DLGAP1: variants seen among roughly 807,000 people sequenced by gnomAD.
The protein encoded by DLGAP1 is DLG associated protein 1, also known as disks large-associated protein 1.
Under a neutral mutation model 90.8 loss-of-function variants are expected in DLGAP1, and 11 were observed. That is an observed-to-expected ratio of 0.12 (90% confidence interval 0.08 to 0.20). The LOEUF (loss-of-function observed/expected upper bound fraction) is 0.20, where lower values mean the gene tolerates loss of function less well. Among genes scored for constraint, DLGAP1 ranks in the 10% least tolerant of loss-of-function variants. DLGAP1 has a pLI of 1.00. For missense variants in DLGAP1, 1,050 were observed against 1,333.8 expected (o/e 0.79, Z 3.31); for synonymous variants, 558 against 540.7 (o/e 1.03, Z -0.44).
At chr18:4,101,087 C>T (rs1274878683) in intron 2 of DLGAP1, among the ~76,000 whole-genome samples, 2 of 152,190 alleles carry the variant, frequency 1.3e-5, no homozygotes, top group Non-Finnish European at 2.9e-5. Flanking sequence ...GCATTCACAA[C>T]TTGGCTAACT....
chr18:3,837,849 C>CAAAAA (rs5822770), intron 4 of DLGAP1, among the ~76,000 whole-genome samples: 294 of 26,828 alleles, frequency 0.011, 57 homozygotes, highest in South Asian at 0.033. Flanking sequence ...GAGATTCTGT[C>CAAAAA]AAAAAAAAAA....
intron 1 of DLGAP1, among the ~76,000 whole-genome samples, chr18:4,253,207 T>C (rs1410456213): frequency 1.3e-5 from 2 of 152,204 alleles, no homozygotes; most frequent in Admixed American, 6.5e-5. Flanking sequence ...TAGGATTTTA[T>C]GGCCAATCAA....
intron 10 of DLGAP1, among the ~76,000 whole-genome samples, chr18:3,508,982 C>CT (rs796452465): frequency 0.2 from 28,562 of 143,690 alleles, 2,817 homozygotes; most frequent in Non-Finnish European, 0.24. Context: ...ACAGTTGTTG[C>CT]TTTTTTTTTT....
At chr18:3,723,947 G>T (rs1598465321) in intron 7 of DLGAP1, among the ~76,000 whole-genome samples, 1 of 152,250 alleles carries the variant, frequency 6.6e-6, no homozygotes, top group East Asian at 1.9e-4. Context: ...TGTACCCTAG[G>T]TTCTTACTCC....
At chr18:4,228,690 A>G (rs2078241528) in intron 1 of DLGAP1, among the ~76,000 whole-genome samples, 1 of 151,994 alleles carries the variant, frequency 6.6e-6, no homozygotes. Flanking sequence ...AACACCAGAT[A>G]AAAGTCAATA....
chr18:3,874,537 A>G, intron 4 of DLGAP1: 1 of 1,461,836 alleles, frequency 6.8e-7, no homozygotes, highest in Non-Finnish European at 9.0e-7. Flanking sequence ...AGCAAAAACA[A>G]AACAACAACA....
chr18:3,604,658 T>C (rs1161627406), intron 7 of DLGAP1, among the ~76,000 whole-genome samples: 1 of 152,148 alleles, frequency 6.6e-6, no homozygotes, highest in Non-Finnish European at 1.5e-5. Context: ...GTGGAGTCAT[T>C]CCACATCCTT....
intron 3 of DLGAP1, among the ~76,000 whole-genome samples, chr18:3,938,411 C>T (rs1052902674): frequency 5.3e-5 from 8 of 152,034 alleles, no homozygotes; most frequent in Non-Finnish European, 1.2e-4. Context: ...GAGGAGGAGA[C>T]GTTCAAGCTG....
At chr18:4,429,690 C>T (rs868090188) in intron 1 of DLGAP1, among the ~76,000 whole-genome samples, 24 of 152,132 alleles carry the variant, frequency 1.6e-4, no homozygotes, top group African/African-American at 5.3e-4. Context: ...AAAGCTGGCA[C>T]TTTGCATAGC....
At chr18:3,897,794 T>C (rs2071665418) in intron 3 of DLGAP1, among the ~76,000 whole-genome samples, 1 of 142,744 alleles carries the variant, frequency 7.0e-6, no homozygotes, top group South Asian at 2.4e-4. Context: ...TTTTTTTTTT[T>C]TTTTTTTTTT....
At chr18:3,751,072 C>T (rs1268062868) in intron 5 of DLGAP1, among the ~76,000 whole-genome samples, 1 of 152,174 alleles carries the variant, frequency 6.6e-6, no homozygotes, top group African/African-American at 2.4e-5. Context: ...CTCTTAGAAG[C>T]AGAATCAATA....
intron 1 of DLGAP1, among the ~76,000 whole-genome samples, chr18:4,281,147 T>C (rs1352439692): frequency 1.3e-5 from 2 of 152,224 alleles, no homozygotes; most frequent in African/African-American, 4.8e-5. Flanking sequence ...CATTTATATG[T>C]ATTTTACGTC....
At chr18:4,111,421 C>T (rs185724241) in intron 2 of DLGAP1, among the ~76,000 whole-genome samples, 96 of 152,002 alleles carry the variant, frequency 6.3e-4, no homozygotes, top group African/African-American at 2.2e-3. Flanking sequence ...ATTAGCAAAA[C>T]GCTGGCATCA....
At chr18:3,666,004 G>C (rs2059866521) in intron 7 of DLGAP1, among the ~76,000 whole-genome samples, 1 of 152,166 alleles carries the variant, frequency 6.6e-6, no homozygotes, top group Admixed American at 6.5e-5. Flanking sequence ...GCCCAGACTG[G>C]AATTACCTTA....
At chr18:3,635,132 A>ATTT (rs149375716) in intron 7 of DLGAP1, among the ~76,000 whole-genome samples, 3 of 140,234 alleles carry the variant, frequency 2.1e-5, no homozygotes, top group Admixed American at 7.2e-5. Flanking sequence ...TGTCTGTCCC[A>ATTT]TTTTTTTTTT....
chr18:3,560,431 A>C lies in DLGAP1; in HGVS notation c.2057+7059T>G, dbSNP rs868181766. ...GAGACTCCGTCTCAAAAAAAAAAAA[A>C]AAAAAAAAATTAGCCAGGTGTGGTG... On this transcript the variant is annotated intron_variant, in intron 9 of 12. Transcript: ENST00000315677. 3.1e-3 allele frequency among the ~76,000 whole-genome samples: 459 copies of C among 150,022 alleles called. 2 individuals are homozygous for C. Among genetic ancestry groups the C allele is most frequent in the South Asian group, 6.5e-3 (31 of 4,774 alleles).
chr18:3,929,856 A>G (rs1283397220), intron 3 of DLGAP1, among the ~76,000 whole-genome samples: 2 of 152,222 alleles, frequency 1.3e-5, no homozygotes, highest in African/African-American at 2.4e-5. Flanking sequence ...ATATTTGTAC[A>G]TGCTCTATTT....
chr18:3,621,435 G>C (rs2058093620), intron 7 of DLGAP1, among the ~76,000 whole-genome samples: 1 of 152,166 alleles, frequency 6.6e-6, no homozygotes, highest in Non-Finnish European at 1.5e-5. Flanking sequence ...CATATTTTAA[G>C]TTCAGCCTAA....
chr18:3,728,501 T>A (rs2062280642), intron 7 of DLGAP1, among the ~76,000 whole-genome samples: 2 of 152,010 alleles, frequency 1.3e-5, no homozygotes, highest in South Asian at 4.1e-4. Flanking sequence ...AAAATACAGT[T>A]TAACCACACA....
Sources: gnomAD v4.1 joint callset for allele counts (sites outside exome capture counted in the v4.1 genomes callset) on GRCh38, gnomAD v4.1.1 for gene constraint, MANE v1.5 for transcripts, NCBI Gene and HGNC (gene_info 2026-07-23, HGNC 2026-07-21) for gene names.